The following TPMT variants were observed in gnomAD, a reference collection of about 807,000 sequenced individuals.
The protein encoded by TPMT is S-adenosyl-L-methionine:thiopurine S-methyltransferase.
TPMT carries 18 observed loss-of-function variants against 34.2 expected under a neutral mutation model. The observed-to-expected ratio is 0.53, with a 90% CI of 0.36 to 0.78. The LOEUF (loss-of-function observed/expected upper bound fraction) is 0.78, where lower values mean the gene tolerates loss of function less well. Among genes scored for constraint, TPMT ranks in the 30% least tolerant of loss-of-function variants. The pLI, the probability that TPMT is intolerant of heterozygous loss-of-function variation, is 0.00. For synonymous variants in TPMT, 69 were observed against 92.4 expected (o/e 0.75, Z 1.45); for missense variants, 265 against 288.1 (o/e 0.92, Z 0.58).
chr6:18,142,914 C>T (rs151267811), intron 4 of TPMT, among the ~76,000 whole-genome samples: 1 of 152,208 alleles, frequency 6.6e-6, no homozygotes, highest in African/African-American at 2.4e-5. Flanking sequence ...TATGCCCCAT[C>T]ACTCTCCTTG....
In TPMT at chr6:18,153,997, C is replaced by T. The variant is rs1026876300; in HGVS notation, c.-45+1036G>A. 3.3e-5 allele frequency among the ~76,000 whole-genome samples: 5 copies of T among 152,080 alleles called. No homozygotes were observed. The highest frequency in any genetic ancestry group is 7.4e-5 in the Non-Finnish European group (5 of 68,008). On this transcript the variant is annotated intron_variant, in intron 1 of 8. Transcript: ENST00000309983. The surrounding 1 kb of genome is among the most constrained non-coding windows in gnomAD (Gnocchi z 4.2). Reference sequence around the variant, plus strand: ...GAGTGCAGTGGTGTAATGACACTTCCGTCTCCAACACTGGGGCTCAAGCGA... The same window carrying T: ...GAGTGCAGTGGTGTAATGACACTTCTGTCTCCAACACTGGGGCTCAAGCGA...
chr6:18,146,066 T>C lies in TPMT; in HGVS notation c.233+1757A>G, dbSNP rs116800051. 2.8e-3 allele frequency among the ~76,000 whole-genome samples: 434 copies of C among 152,336 alleles called. 1 individual carries two copies. Among genetic ancestry groups the C allele is most frequent in the Non-Finnish European group, 5.4e-3 (366 of 68,026 alleles). ...GGTCAGTTTTTCTATTCACATCTCA[T>C]GTCTGTATAGACCTCAATACATAGA... On this transcript the variant is annotated intron_variant, in intron 3 of 8. Transcript: ENST00000309983. The surrounding 1 kb of genome is among the most constrained non-coding windows in gnomAD (Gnocchi z 6.2).
chr6:18,144,743 C>T (rs2150716282), intron 3 of TPMT, among the ~76,000 whole-genome samples: 1 of 150,080 alleles, frequency 6.7e-6, no homozygotes, highest in East Asian at 2.0e-4. Context: ...TTTTTTGAGA[C>T]AGAATCTCAC....
In TPMT at chr6:18,136,086, G is replaced by T. The variant is rs943781391; in HGVS notation, c.495-2197C>A. ...TGCTGGGTCCGCTCTTGGTCTGCAC[G>T]TGGTGACTTTTAGTTTGCTTCCCAC... On this transcript the variant is annotated intron_variant, in intron 6 of 8. Coordinates refer to ENST00000309983, the MANE Select transcript of TPMT (RefSeq NM_000367.5). The surrounding 1 kb of genome is among the most constrained non-coding windows in gnomAD (Gnocchi z 4.7). Among the ~76,000 whole-genome samples, 1 of 152,168 alleles carries T rather than the reference G, an allele frequency of 6.6e-6. No individual in the cohort carries two copies. The highest frequency in any genetic ancestry group is 1.9e-4 in the East Asian group (1 of 5,188).
At chr6:18,152,471 T>C (rs1784370071) in intron 1 of TPMT, among the ~76,000 whole-genome samples, 1 of 152,222 alleles carries the variant, frequency 6.6e-6, no homozygotes, top group African/African-American at 2.4e-5. Flanking sequence ...ACAGCTTCTT[T>C]TTTTGCATGG....
Position 18,153,757 on chromosome 6 carries a change from T to C in TPMT, c.-45+1276A>G, listed in dbSNP as rs1784405222. 6.6e-6 allele frequency among the ~76,000 whole-genome samples: 1 copy of C among 152,236 alleles called. No homozygotes were observed. On this transcript the variant is annotated intron_variant, in intron 1 of 8. Coordinates refer to ENST00000309983, the MANE Select transcript of TPMT (RefSeq NM_000367.5). The surrounding 1 kb of genome is among the most constrained non-coding windows in gnomAD (Gnocchi z 4.2). Reference sequence around the variant, plus strand: ...GAATGTTGCAGTTTTCTCATTTTCATTCAGAAACTCTGGAACCTAAATTCA... The same window carrying C: ...GAATGTTGCAGTTTTCTCATTTTCACTCAGAAACTCTGGAACCTAAATTCA...
rs940872616 is a variant in TPMT at position 18,138,716 on chromosome 6, A to G, written c.494+247T>C. 1.3e-5 allele frequency among the ~76,000 whole-genome samples: 2 copies of G among 152,232 alleles called. No homozygotes were observed. Among genetic ancestry groups the G allele is most frequent in the African/African-American group, 4.8e-5 (2 of 41,456 alleles). ...AAACCAAAGCTTAGAGAAGTTGAAT[A>G]CTTGGACCAAGGCCACACAGCTTGA... On this transcript the variant is annotated intron_variant, in intron 6 of 8. Transcript: ENST00000309983. The surrounding 1 kb of genome is among the most constrained non-coding windows in gnomAD (Gnocchi z 4.1).
chr6:18,128,723 C>A lies in TPMT; in HGVS notation c.*1945G>T, dbSNP rs1161533485. 6.6e-6 allele frequency: 1 copy of A among 151,888 alleles called. No individual in the cohort carries two copies. The highest frequency in any genetic ancestry group is 2.4e-5 in the African/African-American group (1 of 41,008). 9.4% of individuals were successfully genotyped at this position (151,888 alleles called of 1,614,324 possible). A position where few individuals can be genotyped will look rare whatever the true frequency, so the allele number is the denominator to read the frequency against. On this transcript the variant is annotated 3_prime_UTR_variant, in exon 9 of 9. Coordinates refer to ENST00000309983, the MANE Select transcript of TPMT (RefSeq NM_000367.5). This position sits in a 1 kb window ranked among gnomAD's most constrained non-coding sequence, Gnocchi z 4.6. ...AACTTGCCTTTCTTTTTTTTCTTTT[C>A]TTTTTCTTTCTTTTGAGACAGAGTC... is the stretch of plus-strand genomic sequence containing the variant.
In TPMT at chr6:18,131,053, G is replaced by A. The variant is rs971837930; in HGVS notation, c.626-273C>T. Among the ~76,000 whole-genome samples, 2 of 152,120 alleles carry A rather than the reference G, an allele frequency of 1.3e-5. No homozygotes were observed. Among genetic ancestry groups the A allele is most frequent in the Non-Finnish European group, 2.9e-5 (2 of 68,012 alleles). The stretch of plus-strand genomic sequence containing the variant: ...CTTGGGAGGTTGAGGCAGGAGAATC[G>A]CTTGAACCCGGGAGATGGAGGTTGC... On this transcript the variant is annotated intron_variant, in intron 8 of 8. Coordinates refer to ENST00000309983, the MANE Select transcript of TPMT (RefSeq NM_000367.5). The surrounding 1 kb of genome is among the most constrained non-coding windows in gnomAD (Gnocchi z 4.3).
In TPMT at chr6:18,136,745, G is replaced by A. The variant is rs1344822516; in HGVS notation, c.494+2218C>T. 1.3e-5 allele frequency among the ~76,000 whole-genome samples: 2 copies of A among 152,218 alleles called. No individual in the cohort carries two copies. The highest frequency in any genetic ancestry group is 4.8e-5 in the African/African-American group (2 of 41,464). ...GATTCGCTTGAACCTGGCAGGCAGA[G>A]GTTGCGGTGAGCCGAGATAGTGCCA... On this transcript the variant is annotated intron_variant, in intron 6 of 8. Transcript: ENST00000309983. The surrounding 1 kb of genome is among the most constrained non-coding windows in gnomAD (Gnocchi z 4.7).
chr6:18,137,123 C>G (rs551439687), intron 6 of TPMT, among the ~76,000 whole-genome samples: 23 of 63,832 alleles, frequency 3.6e-4, no homozygotes, highest in African/African-American at 1.1e-3. Context: ...TGGAGCCTAA[C>G]CTGTTTTTTT....
Position 18,143,541 on chromosome 6 carries a change from G to A in TPMT, c.366+55C>T, listed in dbSNP as rs1784186868. Reference sequence around the variant, plus strand: ...ATGGTATCCTCATAATACTCACACTGAGAAAAACTTTTGTGGGGATATGGA... The same window carrying A: ...ATGGTATCCTCATAATACTCACACTAAGAAAAACTTTTGTGGGGATATGGA... On this transcript the variant is annotated intron_variant, in intron 4 of 8. Transcript: ENST00000309983. The surrounding 1 kb of genome is among the most constrained non-coding windows in gnomAD (Gnocchi z 6.1). 2.5e-6 allele frequency: 4 copies of A among 1,608,458 alleles called. No individual in the cohort carries two copies. Among genetic ancestry groups the A allele is most frequent in the African/African-American group, 2.7e-5 (2 of 74,882 alleles).
At chr6:18,134,845 T>G (rs149947525) in intron 6 of TPMT, among the ~76,000 whole-genome samples, 1 of 152,146 alleles carries the variant, frequency 6.6e-6, no homozygotes, top group Admixed American at 6.5e-5. Flanking sequence ...AGGAGACGCA[T>G]GCAGGGTGGT....
chr6:18,147,781 C>T (rs1473440510), intron 3 of TPMT, 42 bp downstream of exon 3: 1 of 1,554,184 alleles, frequency 6.4e-7, no homozygotes, highest in East Asian at 2.2e-5. Context: ...AAGAATTCAT[C>T]ATTAAGGCAA....
rs940433877 is a variant in TPMT, at chr6:18,154,302, A to G, written c.-45+731T>C. Among the ~76,000 whole-genome samples, 1 of 151,872 alleles carries G rather than the reference A, an allele frequency of 6.6e-6. No individual in the cohort carries two copies. The highest frequency in any genetic ancestry group is 2.4e-5 in the African/African-American group (1 of 41,262). On this transcript the variant is annotated intron_variant, in intron 1 of 8. Transcript: ENST00000309983. This position sits in a 1 kb window ranked among gnomAD's most constrained non-coding sequence, Gnocchi z 4.2. ...TTCACAAAAATTTCTGCCCACAAAC[A>G]AAGTCCTCAAGTTGTTCTAGTCTCC... is the stretch of plus-strand genomic sequence containing the variant.
chr6:18,155,169 TCCG>T (rs1784480908), upstream of TPMT: 3 of 62,654 alleles, frequency 4.8e-5, no homozygotes, highest in African/African-American at 2.2e-4. This position sits in a 1 kb window ranked among gnomAD's most constrained non-coding sequence, Gnocchi z 6.2. Flanking sequence ...GCGCCCCGCC[TCCG>T]CCCGCGCCCC....
Position 18,138,886 on chromosome 6 carries a change from TGA to T in TPMT, c.494+75_494+76del, listed in dbSNP as rs1439948607. On this transcript the variant is annotated intron_variant, in intron 6 of 8. Transcript: ENST00000309983. The surrounding 1 kb of genome is among the most constrained non-coding windows in gnomAD (Gnocchi z 4.1). The stretch of plus-strand genomic sequence containing the variant: ...ATTTCAAACTCATAGAAGTCTAAGC[TGA>T]TTTTCTAGAACCCAGAAAAAGTATA... 5 of 1,237,276 alleles carry T rather than the reference TGA, an allele frequency of 4.0e-6. No individual in the cohort carries two copies. Among genetic ancestry groups the T allele is most frequent in the Non-Finnish European group, 5.9e-6 (5 of 851,894 alleles). 76.6% of individuals were successfully genotyped at this position (1,237,276 alleles called of 1,614,324 possible).
Position 18,150,273 on chromosome 6 carries a change from A to C in TPMT, c.-44-1102T>G, listed in dbSNP as rs1784326856. 6.6e-6 allele frequency among the ~76,000 whole-genome samples: 1 copy of C among 152,188 alleles called. No individual in the cohort carries two copies. Among genetic ancestry groups the C allele is most frequent in the Non-Finnish European group, 1.5e-5 (1 of 68,030 alleles). ...GAGATGTGTTAGCTACAGGACCTTC[A>C]CCTGTTGAGCTATTAGGAGGCTCTC... On this transcript the variant is annotated intron_variant, in intron 1 of 8. Coordinates refer to ENST00000309983, the MANE Select transcript of TPMT (RefSeq NM_000367.5). This position sits in a 1 kb window ranked among gnomAD's most constrained non-coding sequence, Gnocchi z 5.3.
In TPMT at chr6:18,153,250, A is replaced by C. The variant is rs905618946; in HGVS notation, c.-45+1783T>G. ...CTACAGTCTGAAACCATTCATGAGA[A>C]AGAGTTCTCCTTTCTAAATTATGAA... On this transcript the variant is annotated intron_variant, in intron 1 of 8. Coordinates refer to ENST00000309983, the MANE Select transcript of TPMT (RefSeq NM_000367.5). The surrounding 1 kb of genome is among the most constrained non-coding windows in gnomAD (Gnocchi z 4.2). Among the ~76,000 whole-genome samples, 13 of 152,196 alleles carry C rather than the reference A, an allele frequency of 8.5e-5. No individual in the cohort carries two copies. Among genetic ancestry groups the C allele is most frequent in the African/African-American group, 3.1e-4 (13 of 41,452 alleles).
Sources: allele counts gnomAD v4.1 joint callset (sites outside exome capture counted in the v4.1 genomes callset), GRCh38; gene constraint gnomAD v4.1.1; non-coding constraint Gnocchi (gnomAD v3.1); transcripts MANE v1.5; gene names NCBI Gene and HGNC (gene_info 2026-07-23, HGNC 2026-07-21).